The following CFAP61 variants were observed in gnomAD, a reference collection of about 807,000 sequenced individuals.
The protein encoded by CFAP61 is cilia and flagella associated protein 61.
In CFAP61, 107 loss-of-function variants were observed where a neutral mutation model predicts 135.6. That is an observed-to-expected ratio of 0.79 (90% CI 0.67 to 0.93). The LOEUF (loss-of-function observed/expected upper bound fraction) is 0.93. Among genes scored for constraint, CFAP61 ranks in the 40% least tolerant of loss-of-function variants. CFAP61 has a pLI of 0.00. For synonymous variants in CFAP61, 575 were observed against 578.5 expected, an observed-to-expected ratio of 0.99 and a Z score of 0.09; for missense variants, 1,507 against 1,556.2, an observed-to-expected ratio of 0.97 and a Z score of 0.53.
At chr20:20,123,971 G>GTTTTTTTTTTTTTTTTTTTTTTTTTTTT (rs35528584) in intron 8 of CFAP61, among the ~76,000 whole-genome samples, 1 of 65,266 alleles carries the variant, frequency 1.5e-5, no homozygotes. Flanking sequence ...ATATTCCTAA[G>GTTTTTTTTTTTTTTTTTTTTTTTTTTTT]TTTTTTTTTT....
intron 20 of CFAP61, 124 bp from the exon 21 acceptor site, chr20:20,262,832 A>T (rs1601698015): frequency 1.5e-5 from 6 of 409,442 alleles, no homozygotes; most frequent in Non-Finnish European, 1.7e-5. Flanking sequence ...TTAAAATCTG[A>T]TTGATTGTAT....
chr20:20,096,930 T>C (rs2047618884), intron 7 of CFAP61, among the ~76,000 whole-genome samples: 1 of 152,178 alleles, frequency 6.6e-6, no homozygotes, highest in Non-Finnish European at 1.5e-5. Context: ...AGGGGGCCTG[T>C]AAAGAAAGGA....
intron 26 of CFAP61, among the ~76,000 whole-genome samples, chr20:20,346,534 AAT>A (rs1555985128): frequency 1.3e-5 from 2 of 151,396 alleles, no homozygotes; most frequent in African/African-American, 4.8e-5. Context: ...AAAAAAAAAA[AAT>A]CTTCATAACA....
intron 8 of CFAP61, among the ~76,000 whole-genome samples, chr20:20,123,971 G>GT (rs35528584): frequency 0.38 from 24,672 of 65,302 alleles, 6,263 homozygotes; most frequent in Non-Finnish European, 0.45. Flanking sequence ...ATATTCCTAA[G>GT]TTTTTTTTTT....
At chr20:20,184,442 A>G (rs1489874926) in intron 13 of CFAP61, 1 of 152,218 alleles carries the variant, frequency 6.6e-6, no homozygotes, top group African/African-American at 2.4e-5. Flanking sequence ...AGTGAAAAAC[A>G]AAATAAAGAG....
intron 8 of CFAP61, among the ~76,000 whole-genome samples, chr20:20,104,799 C>T (rs1056496466): frequency 6.6e-6 from 1 of 152,176 alleles, no homozygotes; most frequent in African/African-American, 2.4e-5. Context: ...CTTTTGAGGC[C>T]TCCCTCCTTG....
intron 17 of CFAP61, among the ~76,000 whole-genome samples, chr20:20,219,249 C>T (rs2048240563): frequency 2.0e-5 from 3 of 152,184 alleles, no homozygotes; most frequent in South Asian, 4.1e-4. Flanking sequence ...TCATGAATTG[C>T]TAATAAAAGT....
chr20:20,337,346 G>GAA, intron 25 of CFAP61, among the ~76,000 whole-genome samples: 1 of 2,994 alleles, frequency 3.3e-4, no homozygotes, highest in African/African-American at 6.6e-4. Flanking sequence ...GGATAGATGG[G>GAA]TGGGTGGGTG....
At chr20:20,357,989 T>TAGTGTGAGGGGAGGTGGTCAC (rs2059312208) in intron 26 of CFAP61, among the ~76,000 whole-genome samples, 1 of 58,808 alleles carries the variant, frequency 1.7e-5, no homozygotes, top group Admixed American at 2.2e-4. Flanking sequence ...GAGGTGGTCA[T>TAGTGTGAGGGGAGGTGGTCAC]AGTGTGAGGG....
chr20:20,172,298 G>T (rs545355601), intron 13 of CFAP61: 13 of 974,684 alleles, frequency 1.3e-5, no homozygotes, highest in African/African-American at 3.7e-5. Flanking sequence ...TGTTATGTTT[G>T]ATTTTTTTGT....
chr20:20,110,405 A>G (rs1168366661), intron 8 of CFAP61, among the ~76,000 whole-genome samples: 1 of 152,150 alleles, frequency 6.6e-6, no homozygotes, highest in Non-Finnish European at 1.5e-5. Flanking sequence ...TGCTATGGAG[A>G]GAAGACTAGG....
At chr20:20,353,421 C>T (rs1008243834) in intron 26 of CFAP61, among the ~76,000 whole-genome samples, 4 of 152,082 alleles carry the variant, frequency 2.6e-5, no homozygotes, top group South Asian at 2.1e-4. Context: ...CCTGAGCTGC[C>T]GGGATAGGCT....
At chr20:20,287,968 C>T (rs1048001120) in intron 22 of CFAP61, among the ~76,000 whole-genome samples, 1 of 152,186 alleles carries the variant, frequency 6.6e-6, no homozygotes, top group Non-Finnish European at 1.5e-5. Flanking sequence ...CTGCTTATGG[C>T]ACCCTCACAC....
rs1569293643 is a variant in CFAP61 at position 20,320,453 on chromosome 20, T to TATATATGTAATATATA, written c.3423-21345_3423-21330dup. On this transcript the variant is annotated intron_variant, in intron 25 of 26. Coordinates refer to ENST00000245957, the MANE Select transcript of CFAP61 (RefSeq NM_015585.4). ...GTAATATAATATATGTAATATATAT[T>TATATATGTAATATATA]ATATATGTAATATATAATATATGTA... Among the ~76,000 whole-genome samples, 29 of 91,224 alleles carry TATATATGTAATATATA rather than the reference T, an allele frequency of 3.2e-4. 5 individuals carry two copies. The South Asian group carries it at 4.8e-3, about 15-fold the overall frequency. 59.8% of individuals were successfully genotyped at this position (91,224 alleles called of 152,430 possible).
At chr20:20,084,026 A>G (rs576902212) in intron 6 of CFAP61, among the ~76,000 whole-genome samples, 2 of 150,702 alleles carry the variant, frequency 1.3e-5, no homozygotes, top group East Asian at 1.9e-4. Context: ...TCTTGAAAAG[A>G]AAAAGGGTGC....
chr20:20,355,081 A>AGAGGGAAGGTGGTCACACTGTGT (rs1385808576), intron 26 of CFAP61, among the ~76,000 whole-genome samples: 3 of 119,200 alleles, frequency 2.5e-5, no homozygotes, highest in Non-Finnish European at 1.7e-5. Context: ...TCACACTGTG[A>AGAGGGAAGGTGGTCACACTGTGT]GAGGGAAGGT....
intron 21 of CFAP61, among the ~76,000 whole-genome samples, chr20:20,274,712 T>C (rs1030518760): frequency 3.9e-5 from 6 of 152,164 alleles, no homozygotes; most frequent in African/African-American, 1.4e-4. Flanking sequence ...TGGTCAAGAA[T>C]AGTAGGCCAT....
intron 17 of CFAP61, among the ~76,000 whole-genome samples, chr20:20,226,800 GAA>G (rs1352252677): frequency 2.0e-5 from 3 of 152,218 alleles, no homozygotes; most frequent in South Asian, 4.1e-4. Flanking sequence ...AGTCACTGAG[GAA>G]AGAGAGTGGG....
chr20:20,197,843 A>C (rs1008589591), intron 16 of CFAP61, among the ~76,000 whole-genome samples: 1 of 152,186 alleles, frequency 6.6e-6, no homozygotes, highest in Non-Finnish European at 1.5e-5. Flanking sequence ...CCACTCATGA[A>C]CTCAAACTTT....
Sources: gnomAD v4.1 joint callset for allele counts (sites outside exome capture counted in the v4.1 genomes callset) on GRCh38, gnomAD v4.1.1 for gene constraint, MANE v1.5 for transcripts, NCBI Gene and HGNC (gene_info 2026-07-23, HGNC 2026-07-21) for gene names.